CFAP61: variants seen among roughly 807,000 people sequenced by gnomAD.
CFAP61 encodes cilia- and flagella-associated protein 61.
A neutral mutation model predicts 135.6 loss-of-function variants in CFAP61; 107 were observed. That is an observed-to-expected ratio of 0.79 (90% CI 0.67 to 0.93). The LOEUF (loss-of-function observed/expected upper bound fraction) is 0.93. Among genes scored for constraint, CFAP61 ranks in the 40% least tolerant of loss-of-function variants. The probability of loss-of-function intolerance (pLI) is 0.00; values close to 1 mark genes in which losing one functional copy is unlikely to be tolerated. For synonymous variants in CFAP61, 575 were observed against 578.5 expected (o/e 0.99, Z 0.09); for missense variants, 1,507 against 1,556.2 (o/e 0.97, Z 0.53).
chr20:20,323,677 T>A (rs916581207), intron 25 of CFAP61, among the ~76,000 whole-genome samples: 5 of 152,234 alleles, frequency 3.3e-5, no homozygotes, highest in Non-Finnish European at 7.3e-5. Context: ...CTAGAGGTTT[T>A]TTTAAATAAA....
rs960559789 is a variant in CFAP61 at position 20,360,090 on chromosome 20, GA to G, written c.3514-112del. ...ATTAAAAATAAATTTTCAAAAGCTAGAAAAAAAATGACCATCCTTGCAGAGC... is the reference window on the plus strand; with the variant it reads ...ATTAAAAATAAATTTTCAAAAGCTAGAAAAAAATGACCATCCTTGCAGAGC... On this transcript the variant is annotated intron_variant, in intron 26 of 26. Coordinates refer to ENST00000245957, the MANE Select transcript of CFAP61 (RefSeq NM_015585.4). 31 of 746,174 alleles carry G rather than the reference GA, an allele frequency of 4.2e-5. No individual in the cohort carries two copies. The Admixed American group carries it at 4.4e-4, about 11-fold the overall frequency. The allele number at this position is 746,174 out of a possible 1,614,324, so 46.2% of individuals were successfully genotyped here. A position where few individuals can be genotyped will look rare whatever the true frequency, so the allele number is the denominator to read the frequency against.
Position 20,188,047 on chromosome 20 carries a change from CAA to C in CFAP61, c.1505_1506del (p.Lys502ArgfsTer3), listed in dbSNP as rs779761664. ...ACTTAGACCGTTACAACAAGGCTCGCAAAGACCCTGTAAGTACCTGTTGTGAC... is the reference window on the plus strand; with the variant it reads ...ACTTAGACCGTTACAACAAGGCTCGCAGACCCTGTAAGTACCTGTTGTGAC... The part of the protein sequence containing the change: ...EDLDRYNKAR[K>X]DPDGTLLQAF... On this transcript the variant is annotated frameshift_variant, in exon 14 of 27. Coordinates refer to ENST00000245957, the MANE Select transcript of CFAP61 (RefSeq NM_015585.4). LOFTEE classifies it high-confidence loss of function. 3.7e-6 allele frequency: 6 copies of C among 1,614,176 alleles called. No individual in the cohort carries two copies. The South Asian group carries it at 5.5e-5, about 15-fold the overall frequency.
chr20:20,068,781 T>C (rs1211708685), intron 2 of CFAP61, among the ~76,000 whole-genome samples: 1 of 152,250 alleles, frequency 6.6e-6, no homozygotes, highest in African/African-American at 2.4e-5. Context: ...AGTCTTGCTT[T>C]GTTGCCAGGC....
chr20:20,274,467 C>T (rs2053589618), intron 21 of CFAP61, among the ~76,000 whole-genome samples: 1 of 152,158 alleles, frequency 6.6e-6, no homozygotes, highest in Non-Finnish European at 1.5e-5. Context: ...TCAAGACCAG[C>T]TTGGTGAACA....
chr20:20,090,429 C>T lies in CFAP61; in HGVS notation c.567-415C>T, dbSNP rs114834911. ...AGTTCAGGCCAGGCGTGGCAGCTCA[C>T]ATTTGTAATCCCAGCACTCTGGGAG... On this transcript the variant is annotated intron_variant, in intron 6 of 26. Coordinates refer to ENST00000245957, the MANE Select transcript of CFAP61 (RefSeq NM_015585.4). 6.2e-4 allele frequency among the ~76,000 whole-genome samples: 94 copies of T among 152,236 alleles called. 2 individuals are homozygous for T. The highest frequency in any genetic ancestry group is 2.2e-3 in the African/African-American group (93 of 41,542).
intron 8 of CFAP61, among the ~76,000 whole-genome samples, chr20:20,111,391 C>T (rs1287142053): frequency 6.6e-6 from 1 of 152,160 alleles, no homozygotes; most frequent in African/African-American, 2.4e-5. Flanking sequence ...CCCCAAATAT[C>T]CTAAGATTCC....
intron 9 of CFAP61, among the ~76,000 whole-genome samples, chr20:20,155,293 T>TAG (rs1417584067): frequency 6.6e-6 from 1 of 152,056 alleles, no homozygotes; most frequent in Admixed American, 6.6e-5. Context: ...ATCAAAGACT[T>TAG]AAATCTAAGA....
At chr20:20,322,176 C>G (rs2057549873) in intron 25 of CFAP61, among the ~76,000 whole-genome samples, 1 of 152,276 alleles carries the variant, frequency 6.6e-6, no homozygotes, top group South Asian at 2.1e-4. Context: ...CTGAGTGGCC[C>G]CCAGTCACTC....
Position 20,262,955 on chromosome 20 carries a change from G to A in CFAP61, c.2329-1G>A. On this transcript the variant is annotated splice_acceptor_variant, in intron 20 of 26. Transcript: ENST00000245957. LOFTEE classifies it high-confidence loss of function. ...ATAAGCATTTCTCTAACATGCTTCAGGTCCCATGCCCTACAGAGGCTGATA... is the reference window on the plus strand; with the variant it reads ...ATAAGCATTTCTCTAACATGCTTCAAGTCCCATGCCCTACAGAGGCTGATA... 2 of 1,604,620 alleles carry A rather than the reference G, an allele frequency of 1.2e-6. No homozygotes were observed. Among genetic ancestry groups the A allele is most frequent in the African/African-American group, 1.3e-5 (1 of 74,536 alleles).
intron 17 of CFAP61, among the ~76,000 whole-genome samples, chr20:20,216,221 A>G (rs1342560591): frequency 6.6e-6 from 1 of 152,198 alleles, no homozygotes; most frequent in Admixed American, 6.5e-5. Context: ...GAGGCGCCAG[A>G]TGGTGTCATT....
intron 1 of CFAP61, among the ~76,000 whole-genome samples, chr20:20,056,319 C>T (rs977170659): frequency 1.3e-5 from 2 of 152,186 alleles, no homozygotes; most frequent in African/African-American, 2.4e-5. Context: ...ACCCTGAATC[C>T]GTAAATAATT....
chr20:20,140,085 A>G lies in CFAP61; in HGVS notation c.860-2772A>G, dbSNP rs112025365. ...AAGAGTGGATACCTTTGAGAGGAGT[A>G]TTGACTGGACGGGGAGATGAGGGGA... On this transcript the variant is annotated intron_variant, in intron 8 of 26. Coordinates refer to ENST00000245957, the MANE Select transcript of CFAP61 (RefSeq NM_015585.4). Among the ~76,000 whole-genome samples, 18 of 140,578 alleles carry G rather than the reference A, an allele frequency of 1.3e-4. 1 individual carries two copies. Among genetic ancestry groups the G allele is most frequent in the African/African-American group, 4.3e-4 (16 of 37,580 alleles). 92.2% of individuals were successfully genotyped at this position (140,578 alleles called of 152,430 possible).
chr20:20,238,284 G>C (rs1487845586), intron 18 of CFAP61, among the ~76,000 whole-genome samples: 5 of 152,156 alleles, frequency 3.3e-5, no homozygotes, highest in Non-Finnish European at 7.3e-5. Flanking sequence ...ATGTGTTGTT[G>C]TTAAGACTGA....
At chr20:20,167,992 A>G (rs75818587) in intron 12 of CFAP61, among the ~76,000 whole-genome samples, 1,699 of 152,310 alleles carry the variant, frequency 0.011, 34 homozygotes, top group African/African-American at 0.039. Context: ...CCACATTGGT[A>G]ATTCTGAATG....
intron 8 of CFAP61, among the ~76,000 whole-genome samples, chr20:20,115,521 A>G (rs1400990987): frequency 6.6e-6 from 1 of 152,058 alleles, no homozygotes; most frequent in Non-Finnish European, 1.5e-5. Context: ...GCTATCAAAC[A>G]CTAGGTCTTA....
At chr20:20,088,640 G>A (rs2046970307) in intron 6 of CFAP61, among the ~76,000 whole-genome samples, 1 of 150,414 alleles carries the variant, frequency 6.6e-6, no homozygotes, top group South Asian at 2.1e-4. Flanking sequence ...ATTTGGGTGG[G>A]GACACAGCCA....
chr20:20,062,394 C>T (rs753931775), intron 2 of CFAP61, among the ~76,000 whole-genome samples: 2 of 152,142 alleles, frequency 1.3e-5, no homozygotes, highest in Non-Finnish European at 2.9e-5. Context: ...TTAGAGGGAA[C>T]TTATAACCTT....
intron 25 of CFAP61, among the ~76,000 whole-genome samples, chr20:20,311,516 G>C (rs951560063): frequency 6.6e-6 from 1 of 152,190 alleles, no homozygotes; most frequent in Non-Finnish European, 1.5e-5. Context: ...GAGTTCCCAG[G>C]CCACAGCAAG....
At chr20:20,232,765 T>C (rs1202770700) in intron 18 of CFAP61, 1 of 152,228 alleles carries the variant, frequency 6.6e-6, no homozygotes, top group Non-Finnish European at 1.5e-5. Flanking sequence ...AAGAATCTTT[T>C]GAAGAGCCTG....
Sources: gnomAD v4.1 joint callset for allele counts (sites outside exome capture counted in the v4.1 genomes callset) on GRCh38, gnomAD v4.1.1 for gene constraint, MANE v1.5 for transcripts, NCBI Gene and HGNC (gene_info 2026-07-23, HGNC 2026-07-21) for gene names.